The following PDGFC variants were observed in gnomAD, a reference collection of about 807,000 sequenced individuals.
PDGFC encodes platelet-derived growth factor C.
PDGFC carries 12 observed loss-of-function variants against 35.5 expected under a neutral mutation model. The observed-to-expected ratio is 0.34, with a 90% confidence interval of 0.22 to 0.55. PDGFC has a LOEUF of 0.55. Ranked by LOEUF, PDGFC falls within the 20% of genes least tolerant of loss-of-function variation. The pLI, the probability that PDGFC is intolerant of heterozygous loss-of-function variation, is 0.91. For missense variants in PDGFC, 322 were observed against 412.4 expected, an observed-to-expected ratio of 0.78 and a Z score of 1.90; for synonymous variants, 159 against 148.8, an observed-to-expected ratio of 1.07 and a Z score of -0.50.
chr4:156,894,315 T>C (rs187335851), intron 1 of PDGFC, among the ~76,000 whole-genome samples: 55 of 152,292 alleles, frequency 3.6e-4, no homozygotes, highest in African/African-American at 1.1e-3. Flanking sequence ...TCATCTAGAT[T>C]ATCATTCTAA....
At chr4:156,860,581 G>GA (rs1003361262) in intron 1 of PDGFC, among the ~76,000 whole-genome samples, 12 of 149,518 alleles carry the variant, frequency 8.0e-5, no homozygotes, top group Middle Eastern at 3.5e-3. Flanking sequence ...AACTAATTGG[G>GA]AAAAAAAAAT....
chr4:156,834,101 T>A (rs1400235073), intron 2 of PDGFC, among the ~76,000 whole-genome samples: 2 of 152,154 alleles, frequency 1.3e-5, no homozygotes, highest in Non-Finnish European at 2.9e-5. Context: ...TCTTTTTCCT[T>A]CTTTGTATAT....
intron 1 of PDGFC, among the ~76,000 whole-genome samples, 179 bp downstream of exon 1, chr4:156,970,607 A>T (rs1451210223): frequency 1.3e-5 from 2 of 152,182 alleles, no homozygotes; most frequent in African/African-American, 4.8e-5. Context: ...GCAGCTCCCG[A>T]AGTTGCAAAC....
chr4:156,945,503 T>G (rs564342752), intron 1 of PDGFC, among the ~76,000 whole-genome samples: 2 of 151,100 alleles, frequency 1.3e-5, no homozygotes, highest in East Asian at 3.9e-4. Context: ...TAGCTCCTAT[T>G]TATAGATGCT....
intron 1 of PDGFC, chr4:156,874,007 T>C (rs761149199): frequency 6.6e-6 from 1 of 152,236 alleles, no homozygotes; most frequent in African/African-American, 2.4e-5. Flanking sequence ...ATCCATGAAT[T>C]ACAACTATGA....
chr4:156,884,760 TAC>T (rs1017782795), intron 1 of PDGFC, among the ~76,000 whole-genome samples: 2 of 152,238 alleles, frequency 1.3e-5, no homozygotes, highest in Non-Finnish European at 2.9e-5. Flanking sequence ...TATATCCAAA[TAC>T]ACTGATACCA....
At chr4:156,911,136 A>C (rs2110804752) in intron 1 of PDGFC, among the ~76,000 whole-genome samples, 1 of 152,236 alleles carries the variant, frequency 6.6e-6, no homozygotes, top group South Asian at 2.1e-4. Context: ...ATATTTTCTA[A>C]ATTTTTATGA....
intron 2 of PDGFC, among the ~76,000 whole-genome samples, chr4:156,843,082 C>A (rs1479437372): frequency 6.6e-6 from 1 of 152,118 alleles, no homozygotes; most frequent in Non-Finnish European, 1.5e-5. Context: ...TGTGTCCTTG[C>A]AAAACTCATA....
chr4:156,884,464 C>CT (rs1419909095), intron 1 of PDGFC, among the ~76,000 whole-genome samples: 1 of 152,168 alleles, frequency 6.6e-6, no homozygotes, highest in East Asian at 1.9e-4. Context: ...CTGAAGAAAA[C>CT]TCTGACTCAC....
intron 1 of PDGFC, among the ~76,000 whole-genome samples, chr4:156,940,735 AT>A (rs751969209): frequency 1.3e-5 from 2 of 151,926 alleles, no homozygotes; most frequent in Non-Finnish European, 2.9e-5. Flanking sequence ...TTTCACTCCC[AT>A]TTTCTTATAA....
chr4:156,797,349 C>G (rs1731473733), intron 3 of PDGFC, among the ~76,000 whole-genome samples: 1 of 152,018 alleles, frequency 6.6e-6, no homozygotes, highest in African/African-American at 2.4e-5. Context: ...TCGCCCACAC[C>G]CCACTTCAAC....
chr4:156,861,334 T>C, intron 1 of PDGFC: 1 of 395,070 alleles, frequency 2.5e-6, no homozygotes, highest in East Asian at 7.3e-5. Flanking sequence ...TCTAATATGG[T>C]TCATTGTATC....
At chr4:156,858,555 A>C (rs1729636965) in intron 1 of PDGFC, among the ~76,000 whole-genome samples, 1 of 152,076 alleles carries the variant, frequency 6.6e-6, no homozygotes, top group Non-Finnish European at 1.5e-5. Context: ...CCAAAACCAG[A>C]ATGTGGAAGA....
chr4:156,927,904 T>C (rs938758996), intron 1 of PDGFC, among the ~76,000 whole-genome samples: 2 of 152,100 alleles, frequency 1.3e-5, no homozygotes, highest in Non-Finnish European at 2.9e-5. Context: ...GATAAAGACA[T>C]ACTCAAGACT....
intron 1 of PDGFC, among the ~76,000 whole-genome samples, chr4:156,891,034 G>A (rs1730492010): frequency 6.6e-6 from 1 of 151,924 alleles, no homozygotes; most frequent in Non-Finnish European, 1.5e-5. Context: ...AAACCTTTAT[G>A]TAAAAGCCTT....
intron 1 of PDGFC, among the ~76,000 whole-genome samples, chr4:156,933,131 T>A (rs1731593503): frequency 6.6e-6 from 1 of 152,150 alleles, no homozygotes; most frequent in African/African-American, 2.4e-5. Context: ...TAGGGTTCTT[T>A]AAAGACCTAA....
rs569574196 is a variant in PDGFC, at chr4:156,867,328, C to T, written c.119-16912G>A. Among the ~76,000 whole-genome samples the T allele has an allele frequency of 3.3e-5, 5 of 152,354 alleles. No individual in the cohort carries two copies. In the South Asian group the frequency reaches 1.0e-3, roughly 32 times the overall value. ...TGAAGCCCCGGCCCTTTGCTCTACACATACCAGTGCAATCTACGTGAACGA... is the reference window on the plus strand; with the variant it reads ...TGAAGCCCCGGCCCTTTGCTCTACATATACCAGTGCAATCTACGTGAACGA... On this transcript the variant is annotated intron_variant, in intron 1 of 5. Transcript: ENST00000502773.
At chr4:156,838,275 C>T (rs995141196) in intron 2 of PDGFC, among the ~76,000 whole-genome samples, 7 of 152,216 alleles carry the variant, frequency 4.6e-5, no homozygotes, top group South Asian at 2.1e-4. Context: ...CTTTCAGGGG[C>T]CATTTCTCCA....
chr4:156,936,788 A>T (rs1408961935), intron 1 of PDGFC, among the ~76,000 whole-genome samples: 1 of 152,182 alleles, frequency 6.6e-6, no homozygotes, highest in Non-Finnish European at 1.5e-5. Context: ...AGTAATCAGG[A>T]ATACTATCGT....
Sources: allele counts gnomAD v4.1 joint callset (sites outside exome capture counted in the v4.1 genomes callset), GRCh38; gene constraint gnomAD v4.1.1; transcripts MANE v1.5; gene names NCBI Gene and HGNC (gene_info 2026-07-23, HGNC 2026-07-21).